SNTG1: variants seen among roughly 807,000 people sequenced by gnomAD.
SNTG1 encodes the protein syntrophin gamma 1, also known as gamma-1-syntrophin.
A neutral mutation model predicts 74.7 loss-of-function variants in SNTG1; 39 were observed. That is an observed-to-expected ratio of 0.52 (90% CI 0.40 to 0.68). The LOEUF is 0.68. Among genes scored for constraint, SNTG1 ranks in the 30% least tolerant of loss-of-function variants. SNTG1 has a pLI of 0.00. For missense variants in SNTG1, 685 were observed against 609.5 expected, an observed-to-expected ratio of 1.12 and a Z score of -1.30; for synonymous variants, 254 against 217.1, an observed-to-expected ratio of 1.17 and a Z score of -1.49.
intron 2 of SNTG1, among the ~76,000 whole-genome samples, chr8:50,345,824 T>A (rs187334105): frequency 2.6e-5 from 4 of 152,352 alleles, no homozygotes; most frequent in Admixed American, 6.5e-5. Flanking sequence ...CAAGTATTCT[T>A]TTTGGTTAAT....
chr8:50,788,782 AGCT>A (rs2095683081), intron 18 of SNTG1, among the ~76,000 whole-genome samples: 1 of 151,938 alleles, frequency 6.6e-6, no homozygotes, highest in African/African-American at 2.4e-5. Flanking sequence ...AATGAAGCAA[AGCT>A]ACACACTACC....
chr8:50,278,092 G>A (rs1260891800), intron 2 of SNTG1, among the ~76,000 whole-genome samples: 1 of 151,990 alleles, frequency 6.6e-6, no homozygotes, highest in African/African-American at 2.4e-5. Context: ...AGAATCACTT[G>A]AACCCAGGAG....
chr8:50,215,075 G>C (rs1406704859), intron 2 of SNTG1, among the ~76,000 whole-genome samples: 1 of 151,894 alleles, frequency 6.6e-6, no homozygotes, highest in Non-Finnish European at 1.5e-5. Flanking sequence ...TTCTCATCTT[G>C]GGCTGACCAC....
rs188611383 is a variant in SNTG1 at position 49,989,710 on chromosome 8, T to C, written c.-103+77479T>C. ...ACAAAACTCCTTGGTTAAATACTAA[T>C]GAATCTAAATCAGCAACCTATTAAA... On this transcript the variant is annotated intron_variant, in intron 1 of 18. Transcript: ENST00000642720. Among the ~76,000 whole-genome samples, 447 of 152,060 alleles carry C rather than the reference T, an allele frequency of 2.9e-3. 3 individuals are homozygous for C. Among genetic ancestry groups the C allele is most frequent in the Non-Finnish European group, 5.0e-3 (339 of 67,824 alleles).
intron 18 of SNTG1, among the ~76,000 whole-genome samples, chr8:50,772,492 C>T (rs1004892253): frequency 1.3e-5 from 2 of 152,078 alleles, no homozygotes; most frequent in African/African-American, 4.8e-5. Context: ...CTTGATTTCA[C>T]AGATTCATAA....
At chr8:49,941,528 C>T (rs1808685718) in intron 1 of SNTG1, among the ~76,000 whole-genome samples, 1 of 144,580 alleles carries the variant, frequency 6.9e-6, no homozygotes, top group Non-Finnish European at 1.5e-5. Context: ...TTTACATTAA[C>T]TTTTATATAT....
chr8:50,077,655 A>G (rs1048057750), intron 1 of SNTG1, among the ~76,000 whole-genome samples: 2 of 152,182 alleles, frequency 1.3e-5, no homozygotes, highest in African/African-American at 4.8e-5. Context: ...TTGTCCAACC[A>G]TCATCAACCA....
At chr8:50,766,243 T>G (rs1178521024) in intron 18 of SNTG1, among the ~76,000 whole-genome samples, 1 of 152,038 alleles carries the variant, frequency 6.6e-6, no homozygotes. Context: ...ATTTTCTATT[T>G]CTTGCTCTGA....
chr8:50,011,773 T>G (rs912243470), intron 1 of SNTG1: 1 of 152,218 alleles, frequency 6.6e-6, no homozygotes, highest in Non-Finnish European at 1.5e-5. Context: ...TTATTTCTCA[T>G]AGTGAACACT....
rs71550218 is a variant in SNTG1, at chr8:50,221,512, T to TACACACAC, written c.-28+48909_-28+48916dup. 3.7e-3 allele frequency among the ~76,000 whole-genome samples: 481 copies of TACACACAC among 130,186 alleles called. 4 individuals carry two copies. The highest frequency in any genetic ancestry group is 9.9e-3 in the African/African-American group (365 of 36,900). The allele number at this position is 130,186 out of a possible 152,430, so 85.4% of individuals were successfully genotyped here. ...TCTGCTACCCCTCCCAACACACACA[T>TACACACAC]ACACACACACACACACACACACACA... On this transcript the variant is annotated intron_variant, in intron 2 of 18. Transcript: ENST00000642720.
At chr8:50,408,082 T>C (rs1035547702) in intron 4 of SNTG1, among the ~76,000 whole-genome samples, 2 of 152,154 alleles carry the variant, frequency 1.3e-5, no homozygotes, top group Admixed American at 6.5e-5. Context: ...AGCAAGCAAT[T>C]ATAAAAAGCA....
chr8:50,516,875 G>T (rs2094137998), intron 9 of SNTG1, among the ~76,000 whole-genome samples: 1 of 152,168 alleles, frequency 6.6e-6, no homozygotes, highest in Non-Finnish European at 1.5e-5. Flanking sequence ...CACTCTTCAA[G>T]ATATTATCCA....
At chr8:50,447,664 C>T (rs77824046) in intron 5 of SNTG1, among the ~76,000 whole-genome samples, 8 of 152,086 alleles carry the variant, frequency 5.3e-5, no homozygotes, top group African/African-American at 1.4e-4. Context: ...GGGTTTACAT[C>T]GATGCACAAA....
chr8:50,510,669 T>C (rs1342765501), intron 9 of SNTG1, among the ~76,000 whole-genome samples: 1 of 152,204 alleles, frequency 6.6e-6, no homozygotes, highest in African/African-American at 2.4e-5. Context: ...GAGGAATTTA[T>C]CCATTTCTTC....
chr8:50,154,392 C>T (rs761194040), intron 1 of SNTG1, among the ~76,000 whole-genome samples: 1 of 152,090 alleles, frequency 6.6e-6, no homozygotes, highest in Non-Finnish European at 1.5e-5. Flanking sequence ...TAAGGCGATG[C>T]CTCACCCTGC....
At chr8:50,564,983 G>A (rs2094507877) in intron 12 of SNTG1, among the ~76,000 whole-genome samples, 1 of 152,002 alleles carries the variant, frequency 6.6e-6, no homozygotes, top group Admixed American at 6.6e-5. Context: ...GCAGCTGGGT[G>A]GTTAACGTCA....
At chr8:50,326,230 T>C (rs2090742168) in intron 2 of SNTG1, among the ~76,000 whole-genome samples, 1 of 152,058 alleles carries the variant, frequency 6.6e-6, no homozygotes, top group Admixed American at 6.6e-5. Flanking sequence ...GGAAAATATT[T>C]TCTCCAATTC....
chr8:50,558,668 G>A (rs1004070661), intron 12 of SNTG1, among the ~76,000 whole-genome samples: 11 of 151,300 alleles, frequency 7.3e-5, no homozygotes, highest in African/African-American at 1.9e-4. Context: ...CTAACTGGAA[G>A]CAATAGATAC....
intron 2 of SNTG1, among the ~76,000 whole-genome samples, chr8:50,218,851 A>T (rs942264488): frequency 3.3e-5 from 5 of 152,220 alleles, no homozygotes; most frequent in Non-Finnish European, 7.3e-5. Context: ...AGAGGAATCC[A>T]GAGAGGCAGA....
Sources: allele counts gnomAD v4.1 joint callset (sites outside exome capture counted in the v4.1 genomes callset), GRCh38; gene constraint gnomAD v4.1.1; transcripts MANE v1.5; gene names NCBI Gene and HGNC (gene_info 2026-07-23, HGNC 2026-07-21).